The following EFCAB6 variants were observed in gnomAD, a reference collection of about 807,000 sequenced individuals.
The protein encoded by EFCAB6 is EF-hand calcium binding domain 6.
In EFCAB6, 156 loss-of-function variants were observed where a neutral mutation model predicts 169.8. The observed-to-expected ratio is 0.92, with a 90% confidence interval of 0.81 to 1.05. The LOEUF (loss-of-function observed/expected upper bound fraction) is 1.05. Ranked by LOEUF, EFCAB6 falls within the 50% of genes least tolerant of loss-of-function variation. The probability of loss-of-function intolerance (pLI) is 0.00; values close to 1 mark genes in which losing one functional copy is unlikely to be tolerated. For synonymous variants in EFCAB6, 698 were observed against 676.4 expected (o/e 1.03, Z -0.50); for missense variants, 1,800 against 1,829.1 (o/e 0.98, Z 0.29).
chr22:43,617,749 A>G (rs1435824035), intron 20 of EFCAB6, among the ~76,000 whole-genome samples: 1 of 152,182 alleles, frequency 6.6e-6, no homozygotes, highest in Non-Finnish European at 1.5e-5. Context: ...ATGTGGACAG[A>G]GTCCACATTC....
intron 10 of EFCAB6, among the ~76,000 whole-genome samples, chr22:43,710,093 C>CA (rs1569424608): frequency 6.6e-6 from 1 of 152,102 alleles, no homozygotes; most frequent in African/African-American, 2.4e-5. Context: ...CTATTTCCCC[C>CA]CAAAAAAGGT....
intron 7 of EFCAB6, among the ~76,000 whole-genome samples, chr22:43,735,319 C>T (rs2060092168): frequency 2.6e-5 from 1 of 38,884 alleles, no homozygotes; most frequent in Non-Finnish European, 6.4e-5. Context: ...CCGCACACCC[C>T]ACCCTCCTGC....
chr22:43,640,502 C>G (rs2055726077), intron 17 of EFCAB6, among the ~76,000 whole-genome samples: 3 of 152,168 alleles, frequency 2.0e-5, no homozygotes, highest in South Asian at 4.1e-4. Context: ...AATCTATACA[C>G]AAAAGCTGGA....
At chr22:43,784,543 G>GTGTATGTATATATACACATA (rs1556409964) in intron 2 of EFCAB6, among the ~76,000 whole-genome samples, 5 of 75,486 alleles carry the variant, frequency 6.6e-5, no homozygotes, top group African/African-American at 2.4e-4. Flanking sequence ...GTGTGTGTGT[G>GTGTATGTATATATACACATA]TATATGTATA....
At position 43,683,777 on chromosome 22, in the gene EFCAB6, T is replaced by C. The variant is rs751992089; in HGVS notation, c.1221A>G (p.Ser407=). 6.2e-7 allele frequency: 1 copy of C among 1,613,296 alleles called. No individual in the cohort carries two copies. Among genetic ancestry groups the C allele is most frequent in the Non-Finnish European group, 8.5e-7 (1 of 1,179,246 alleles). Residue 407 remains serine (S), a synonymous_variant, in exon 12 of 32, where the codon TCA becomes TCG. Transcript: ENST00000262726. The part of the protein sequence containing the change: ...LFRHTEDHSA[S]LKKALLIINT... Reference sequence around the variant, plus strand: ...TGATTATCAGTAATGCTTTCTTCAGTGACGCAGAGTGATCTTCAGTGTGTC... The same window carrying C: ...TGATTATCAGTAATGCTTTCTTCAGCGACGCAGAGTGATCTTCAGTGTGTC...
At position 43,600,076 on chromosome 22, in the gene EFCAB6, C is replaced by A; in HGVS notation, c.2869G>T (p.Ala957Ser). 6.2e-7 allele frequency: 1 copy of A among 1,613,456 alleles called. No homozygotes were observed. The highest frequency in any genetic ancestry group is 2.2e-5 in the East Asian group (1 of 44,846). ...ELQQSTEKAV[A>S]ARDKLMDRHQ... The stretch of plus-strand genomic sequence containing the variant: ...TGATCCTTCCTCACTCACCTGGCTG[C>A]CACAGCCTTCTCTGTGCTCTGCTGC... The change falls in exon 23 of 32, where the codon GCA (alanine) becomes TCA (serine). Residue 957 changes from alanine (A) to serine (S), a missense_variant. Physicochemically the swap from Ala to Ser is moderately conservative, Grantham distance 99. Transcript: ENST00000262726.
chr22:43,729,595 A>G (rs1225320230), intron 8 of EFCAB6, among the ~76,000 whole-genome samples: 1 of 152,254 alleles, frequency 6.6e-6, no homozygotes, highest in East Asian at 1.9e-4. Context: ...GGAGAGGAAC[A>G]TAATGAACAC....
At chr22:43,776,247 G>A (rs2061635996) in intron 3 of EFCAB6, among the ~76,000 whole-genome samples, 1 of 152,186 alleles carries the variant, frequency 6.6e-6, no homozygotes, top group Non-Finnish European at 1.5e-5. Flanking sequence ...AGAGGAGAAG[G>A]GGCCGTGGGA....
At chr22:43,599,467 G>A (rs921422276) in intron 23 of EFCAB6, among the ~76,000 whole-genome samples, 2 of 125,506 alleles carry the variant, frequency 1.6e-5, no homozygotes, top group African/African-American at 3.0e-5. Flanking sequence ...CTCAGACAGC[G>A]CCATTGCACT....
intron 2 of EFCAB6, among the ~76,000 whole-genome samples, chr22:43,804,371 TAGAA>T (rs1160329007): frequency 6.6e-6 from 1 of 151,856 alleles, no homozygotes; most frequent in Non-Finnish European, 1.5e-5. Flanking sequence ...TCAAAAAAAA[TAGAA>T]AGACTTCAAA....
chr22:43,590,124 T>C lies in EFCAB6; in HGVS notation c.2982A>G (p.Glu994=). ...CTTCGGTAAGAGAACATCCACATTC[T>C]TCCAGCACTTCCTGCATCTTGCATA... ...ISICKMQEVL[E]ECGCSLTEGE... Residue 994 remains glutamate, a synonymous_variant, in exon 24 of 32, where the codon GAA becomes GAG. Transcript: ENST00000262726. 6.2e-7 allele frequency: 1 copy of C among 1,614,188 alleles called. No homozygotes were observed. The highest frequency in any genetic ancestry group is 8.5e-7 in the Non-Finnish European group (1 of 1,180,014).
chr22:43,595,658 T>C (rs1040564104), intron 23 of EFCAB6, among the ~76,000 whole-genome samples: 1 of 152,110 alleles, frequency 6.6e-6, no homozygotes, highest in African/African-American at 2.4e-5. Flanking sequence ...TGCTAAAATC[T>C]ACCAAACATT....
intron 2 of EFCAB6, among the ~76,000 whole-genome samples, chr22:43,788,372 T>G (rs1190555724): frequency 1.3e-5 from 2 of 152,152 alleles, no homozygotes; most frequent in African/African-American, 4.8e-5. Flanking sequence ...TAGGAACTCT[T>G]ACAGCTCAAT....
chr22:43,546,668 C>T (rs138920510), intron 27 of EFCAB6, among the ~76,000 whole-genome samples: 138 of 152,038 alleles, frequency 9.1e-4, no homozygotes, highest in Middle Eastern at 3.4e-3. Flanking sequence ...GTCAGGAGTT[C>T]GAGACCAGCT....
chr22:43,701,367 A>C (rs755105148), intron 10 of EFCAB6, among the ~76,000 whole-genome samples: 5 of 152,216 alleles, frequency 3.3e-5, no homozygotes, highest in Non-Finnish European at 5.9e-5. Flanking sequence ...AACAATCACC[A>C]TCTAGACTCA....
intron 21 of EFCAB6, among the ~76,000 whole-genome samples, chr22:43,615,625 T>C (rs2053633614): frequency 6.6e-6 from 1 of 152,232 alleles, no homozygotes; most frequent in South Asian, 2.1e-4. Context: ...AACAATTCCT[T>C]ATCTTTCTAA....
chr22:43,636,066 AAGAACAC>A (rs2055367640), intron 17 of EFCAB6, among the ~76,000 whole-genome samples: 1 of 152,198 alleles, frequency 6.6e-6, no homozygotes, highest in Non-Finnish European at 1.5e-5. Flanking sequence ...TCCTTCAGAA[AAGAACAC>A]AGAATCACAG....
rs575853025 is a variant in EFCAB6 at position 43,797,616 on chromosome 22, T to G, written c.-8+11379A>C. ...TCTCAATCCAATACACACACACACATGCACACACACACACACACCCCTACT... is the reference window on the plus strand; with the variant it reads ...TCTCAATCCAATACACACACACACAGGCACACACACACACACACCCCTACT... On this transcript the variant is annotated intron_variant, in intron 2 of 31. Transcript: ENST00000262726. Among the ~76,000 whole-genome samples the G allele has an allele frequency of 7.1e-4, 107 of 151,758 alleles. 1 individual carries two copies. Among genetic ancestry groups the G allele is most frequent in the African/African-American group, 2.3e-3 (97 of 41,354 alleles).
intron 17 of EFCAB6, among the ~76,000 whole-genome samples, chr22:43,656,882 C>T (rs953196287): frequency 2.6e-5 from 4 of 152,194 alleles, no homozygotes; most frequent in Admixed American, 6.5e-5. Flanking sequence ...AATCGCCTAA[C>T]GATGCGTTTC....
Sources: gnomAD v4.1 joint callset for allele counts (sites outside exome capture counted in the v4.1 genomes callset) on GRCh38, gnomAD v4.1.1 for gene constraint, MANE v1.5 for transcripts, NCBI Gene and HGNC (gene_info 2026-07-23, HGNC 2026-07-21) for gene names.